The following SLC44A1 variants were observed in gnomAD, a reference collection of about 807,000 sequenced individuals.
SLC44A1 encodes the protein choline transporter-like protein 1.
Under a neutral mutation model 79.3 loss-of-function variants are expected in SLC44A1, and 26 were observed. The observed-to-expected ratio is 0.33, with a 90% CI of 0.24 to 0.46. SLC44A1 has a LOEUF of 0.46. Ranked by LOEUF, SLC44A1 falls within the 20% of genes least tolerant of loss-of-function variation. The pLI is 1.00. For missense variants in SLC44A1, 688 were observed against 798.1 expected (o/e 0.86, Z 1.66); for synonymous variants, 263 against 286.2 (o/e 0.92, Z 0.82).
intron 2 of SLC44A1, chr9:105,299,770 A>G: frequency 1.0e-6 from 1 of 986,230 alleles, no homozygotes; most frequent in Non-Finnish European, 1.2e-6. Context: ...TGTCTGCTGT[A>G]ATGAGTGGCA....
At chr9:105,302,850 A>G (rs1184284053) in intron 2 of SLC44A1, among the ~76,000 whole-genome samples, 1 of 152,198 alleles carries the variant, frequency 6.6e-6, no homozygotes, top group Admixed American at 6.5e-5. Context: ...CTGGCAGCTA[A>G]TGTTAAAGAT....
At chr9:105,345,531 C>T (rs1010591046) in intron 4 of SLC44A1, among the ~76,000 whole-genome samples, 1 of 152,020 alleles carries the variant, frequency 6.6e-6, no homozygotes, top group African/African-American at 2.4e-5. Context: ...AAGAATTCCA[C>T]TTCTAAATAT....
At chr9:105,327,734 A>C (rs1826624773) in intron 3 of SLC44A1, among the ~76,000 whole-genome samples, 1 of 151,720 alleles carries the variant, frequency 6.6e-6, no homozygotes, top group African/African-American at 2.4e-5. Context: ...ACACTGGTTA[A>C]CTCTTACTCA....
intron 3 of SLC44A1, among the ~76,000 whole-genome samples, chr9:105,331,583 A>G (rs1826750765): frequency 6.6e-6 from 1 of 152,236 alleles, no homozygotes; most frequent in African/African-American, 2.4e-5. Flanking sequence ...TGCAGTTTTA[A>G]TAAATCATAA....
At chr9:105,351,566 G>A (rs182580781) in intron 5 of SLC44A1, among the ~76,000 whole-genome samples, 7,628 of 113,362 alleles carry the variant, frequency 0.067, 1,047 homozygotes, top group African/African-American at 0.26. Flanking sequence ...GAGAGAAAGA[G>A]AGAAAGAGAG....
intron 15 of SLC44A1, among the ~76,000 whole-genome samples, chr9:105,418,229 T>C (rs1829198004): frequency 6.8e-6 from 1 of 146,764 alleles, no homozygotes; most frequent in Non-Finnish European, 1.5e-5. Context: ...CAGGAGAATC[T>C]CTTGAACCTG....
chr9:105,387,233 T>C (rs1032496285), intron 15 of SLC44A1, among the ~76,000 whole-genome samples: 4 of 151,584 alleles, frequency 2.6e-5, no homozygotes, highest in African/African-American at 4.8e-5. Context: ...TGTAACCCTT[T>C]CCAGTGCCTA....
chr9:105,430,134 A>G (rs1296845339), intron 15 of SLC44A1, among the ~76,000 whole-genome samples: 1 of 152,106 alleles, frequency 6.6e-6, no homozygotes, highest in East Asian at 1.9e-4. Context: ...GGCTCAAGCA[A>G]TCCTCTTCCC....
chr9:105,394,604 A>G lies in SLC44A1; in HGVS notation c.*5548A>G. ...TGATTCTTTTTATTGTAGCTCAGCT[A>G]TGACATTATGACATTATGTGGCTTA... On this transcript the variant is annotated 3_prime_UTR_variant, in exon 16 of 16. Coordinates refer to ENST00000374720, the MANE Select transcript of SLC44A1 (RefSeq NM_080546.5). 4 of 985,288 alleles carry G rather than the reference A, an allele frequency of 4.1e-6. No individual in the cohort carries two copies. The highest frequency in any genetic ancestry group is 4.8e-6 in the Non-Finnish European group (4 of 829,834). The allele number at this position is 985,288 out of a possible 1,614,324, so 61.0% of individuals were successfully genotyped here. A position where few individuals can be genotyped will look rare whatever the true frequency, so the allele number is the denominator to read the frequency against.
At chr9:105,277,957 G>T (rs1461091426) in intron 1 of SLC44A1, among the ~76,000 whole-genome samples, 1 of 152,142 alleles carries the variant, frequency 6.6e-6, no homozygotes, top group Non-Finnish European at 1.5e-5. Flanking sequence ...GTGTTAGAGG[G>T]TATTTTGCTT....
rs1830588362 is a variant in SLC44A1, at chr9:105,290,888, T to G, written c.37-8332T>G. Among the ~76,000 whole-genome samples, 6 of 152,344 alleles carry G rather than the reference T, an allele frequency of 3.9e-5. 1 individual carries two copies. The South Asian group carries it at 1.2e-3, about 32-fold the overall frequency. On this transcript the variant is annotated intron_variant, in intron 1 of 15. Coordinates refer to ENST00000374720, the MANE Select transcript of SLC44A1 (RefSeq NM_080546.5). ...CTGTATCTTTCCACGCAGTGTATCT[T>G]AATACCTTTAACTGTCTGTTAAAAT...
At chr9:105,304,961 T>TTG (rs1830984674) in intron 2 of SLC44A1, among the ~76,000 whole-genome samples, 1 of 101,352 alleles carries the variant, frequency 9.9e-6, no homozygotes, top group African/African-American at 4.4e-5. Context: ...TTTTTTTTTT[T>TTG]TTTTTTTTTT....
At chr9:105,358,771 GTCTT>G (rs2131403981) in intron 7 of SLC44A1, among the ~76,000 whole-genome samples, 1 of 152,092 alleles carries the variant, frequency 6.6e-6, no homozygotes, top group African/African-American at 2.4e-5. Context: ...CATCTGTTCT[GTCTT>G]TCTTGAAATT....
In SLC44A1 at chr9:105,383,377, C is replaced by A; in HGVS notation, c.1869+18C>A. 1.5e-6 allele frequency: 2 copies of A among 1,371,130 alleles called. No individual in the cohort carries two copies. The highest frequency in any genetic ancestry group is 1.2e-5 in the South Asian group (1 of 85,522). 84.9% of individuals were successfully genotyped at this position (1,371,130 alleles called of 1,614,324 possible). On this transcript the variant is annotated intron_variant, in intron 14 of 15. Transcript: ENST00000374720. ...TGCTGATGGTAAGTACTTCAAATGC[C>A]GTTTCCTATTTTAGGGATAAAAATA...
intron 12 of SLC44A1, among the ~76,000 whole-genome samples, chr9:105,373,418 T>A (rs558466367): frequency 1.1e-4 from 16 of 151,948 alleles, no homozygotes; most frequent in Non-Finnish European, 1.6e-4. Context: ...TAAAAAAGAA[T>A]GGAAAAAAAA....
chr9:105,296,819 T>C (rs1191640436), intron 1 of SLC44A1, among the ~76,000 whole-genome samples: 1 of 152,198 alleles, frequency 6.6e-6, no homozygotes, highest in Non-Finnish European at 1.5e-5. Context: ...CAGAGAATTA[T>C]GTCAAATTAT....
chr9:105,290,091 C>T (rs1364841214), intron 1 of SLC44A1, among the ~76,000 whole-genome samples: 1 of 152,148 alleles, frequency 6.6e-6, no homozygotes, highest in Non-Finnish European at 1.5e-5. Context: ...GCTGGGATTA[C>T]AGGCGTGAGC....
At position 105,275,804 on chromosome 9, in the gene SLC44A1, AT is replaced by A. The variant is rs1229808333; in HGVS notation, c.37-23398del. Among the ~76,000 whole-genome samples the A allele has an allele frequency of 8.1e-3, 1,130 of 138,862 alleles. 8 individuals carry two copies. The highest frequency in any genetic ancestry group is 0.016 in the African/African-American group (615 of 37,906). 91.1% of individuals were successfully genotyped at this position (138,862 alleles called of 152,430 possible). On this transcript the variant is annotated intron_variant, in intron 1 of 15. Transcript: ENST00000374720. ...TGTCTTGTCACATCATGGAAGAACA[AT>A]TTTTTTTTTTTTTTTTTGAGACGGA...
At chr9:105,404,828 G>C (rs2812313) in intron 15 of SLC44A1, among the ~76,000 whole-genome samples, 146,905 of 152,320 alleles carry the variant, frequency 0.96, 70,847 homozygotes, top group East Asian at 1. Context: ...AGCCACAAAA[G>C]CTTTTTGAGG....
Sources: gnomAD v4.1 joint callset for allele counts (sites outside exome capture counted in the v4.1 genomes callset) on GRCh38, gnomAD v4.1.1 for gene constraint, MANE v1.5 for transcripts, NCBI Gene and HGNC (gene_info 2026-07-23, HGNC 2026-07-21) for gene names.